The following SCGB2B2 variants were observed in gnomAD, a reference collection of about 807,000 sequenced individuals.
SCGB2B2 encodes secretoglobin family 2B member 2.
Under a neutral mutation model 7.6 loss-of-function variants are expected in SCGB2B2, and 11 were observed. The observed-to-expected ratio is 1.45, with a 90% confidence interval of 0.91 to 2.40. The LOEUF (loss-of-function observed/expected upper bound fraction) is 2.40. Among genes scored for constraint, SCGB2B2 ranks in the 30% most tolerant of loss-of-function variants. The pLI is 0.00. For missense variants in SCGB2B2, 104 were observed against 115.4 expected (o/e 0.90, Z 0.45); for synonymous variants, 50 against 48.6 (o/e 1.03, Z -0.12).
rs573880835 is a variant in SCGB2B2, at chr19:34,640,836, T to A, written c.-2032+34794A>T. The stretch of plus-strand genomic sequence containing the variant: ...GCTAATGACATAAACTGATACCTCT[T>A]TATTATTATTTTTTTCCAGATGTGA... On this transcript the variant is annotated intron_variant, in intron 1 of 3. Coordinates refer to ENST00000601241, the MANE Select transcript of SCGB2B2 (RefSeq NM_001025591.4). 305 of 152,238 alleles carry A rather than the reference T, an allele frequency of 2.0e-3. 3 individuals carry two copies. The highest frequency in any genetic ancestry group is 7.2e-3 in the African/African-American group (297 of 41,526). 9.4% of individuals were successfully genotyped at this position (152,238 alleles called of 1,614,324 possible).
intron 1 of SCGB2B2, among the ~76,000 whole-genome samples, chr19:34,648,393 G>C (rs941880860): frequency 6.6e-6 from 1 of 152,204 alleles, no homozygotes; most frequent in African/African-American, 2.4e-5. Flanking sequence ...AAAATGTCCT[G>C]AGAAATTTTG....
chr19:34,674,654 C>A, intron 1 of SCGB2B2, among the ~76,000 whole-genome samples: 1 of 152,130 alleles, frequency 6.6e-6, no homozygotes, highest in South Asian at 2.1e-4. Flanking sequence ...AGGGGTAACA[C>A]CTGCCTCATA....
chr19:34,632,702 G>A (rs2066567881), intron 1 of SCGB2B2: 1 of 152,208 alleles, frequency 6.6e-6, no homozygotes, highest in East Asian at 1.9e-4. Context: ...TTTGAAAAAG[G>A]TAAACATCCA....
intron 1 of SCGB2B2, among the ~76,000 whole-genome samples, chr19:34,606,118 A>T (rs365928): frequency 0.84 from 127,749 of 151,820 alleles, 54,528 homozygotes; most frequent in African/African-American, 0.91. Context: ...AAATTTTACC[A>T]ACTTTTTAAA....
At chr19:34,635,571 C>T (rs2066653260) in intron 1 of SCGB2B2, 4 of 236,538 alleles carry the variant, frequency 1.7e-5, no homozygotes, top group Middle Eastern at 4.7e-4. Context: ...AGAGTTATGA[C>T]TGAAGAATTT....
intron 1 of SCGB2B2, among the ~76,000 whole-genome samples, chr19:34,668,308 G>T (rs972988093): frequency 6.6e-6 from 1 of 152,198 alleles, no homozygotes; most frequent in African/African-American, 2.4e-5. Flanking sequence ...GGCCCTGCCT[G>T]CCCGGGCAGT....
At chr19:34,662,246 A>G (rs1432757274) in intron 1 of SCGB2B2, among the ~76,000 whole-genome samples, 1 of 152,156 alleles carries the variant, frequency 6.6e-6, no homozygotes, top group Non-Finnish European at 1.5e-5. Context: ...GTGGAAGCCA[A>G]AAGATTACAC....
chr19:34,638,485 AC>A lies in SCGB2B2; in HGVS notation c.-2032+37144del, dbSNP rs544260719. On this transcript the variant is annotated intron_variant, in intron 1 of 3. Coordinates refer to ENST00000601241, the MANE Select transcript of SCGB2B2 (RefSeq NM_001025591.4). ...GGAACACCCATCCCCCCCCAAAAAAACAAACAATGACAACAACAAAAACAAA... is the reference window on the plus strand; with the variant it reads ...GGAACACCCATCCCCCCCCAAAAAAAAAACAATGACAACAACAAAAACAAA... 1.8e-4 allele frequency among the ~76,000 whole-genome samples: 27 copies of A among 151,762 alleles called. 1 individual carries two copies. In the East Asian group the frequency reaches 3.5e-3, roughly 20 times the overall value.
chr19:34,667,082 C>T lies in SCGB2B2; in HGVS notation c.-2032+8548G>A, dbSNP rs1467694853. ...GTCATGCAGCAGGCCCGGCCACCAG[C>T]GCCTCCTCACAGCCCTTGACCTCCT... On this transcript the variant is annotated intron_variant, in intron 1 of 3. Coordinates refer to ENST00000601241, the MANE Select transcript of SCGB2B2 (RefSeq NM_001025591.4). 2.6e-5 allele frequency among the ~76,000 whole-genome samples: 4 copies of T among 152,096 alleles called. No homozygotes were observed. The South Asian group carries it at 6.2e-4, about 24-fold the overall frequency.
At chr19:34,590,347 C>A (rs527669265), downstream of SCGB2B2, among the ~76,000 whole-genome samples, 25 of 151,148 alleles carry the variant, frequency 1.7e-4, no homozygotes, top group African/African-American at 5.8e-4. Context: ...TCCATCCATG[C>A]ACTCATCATC....
chr19:34,606,923 C>T (rs1441291757), intron 1 of SCGB2B2, among the ~76,000 whole-genome samples: 1 of 152,154 alleles, frequency 6.6e-6, no homozygotes, highest in Non-Finnish European at 1.5e-5. Context: ...AAGGCGGACT[C>T]CTCTCTACAA....
At chr19:34,599,823 C>T (rs2065571594) in intron 1 of SCGB2B2, among the ~76,000 whole-genome samples, 1 of 152,110 alleles carries the variant, frequency 6.6e-6, no homozygotes, top group Non-Finnish European at 1.5e-5. Context: ...TCTTCACTTC[C>T]CATTTCTCCC....
chr19:34,612,698 A>G (rs185501053), intron 1 of SCGB2B2, among the ~76,000 whole-genome samples: 320 of 152,288 alleles, frequency 2.1e-3, no homozygotes, highest in African/African-American at 7.4e-3. Context: ...CATAAATCCA[A>G]CGTTTCTTTG....
At chr19:34,601,137 G>A (rs550031867) in intron 1 of SCGB2B2, among the ~76,000 whole-genome samples, 2 of 152,256 alleles carry the variant, frequency 1.3e-5, no homozygotes, top group East Asian at 3.9e-4. Context: ...TACCATTTAG[G>A]AGAAGATAAT....
Position 34,669,854 on chromosome 19 carries a change from C to T in SCGB2B2, c.-2032+5776G>A, listed in dbSNP as rs1422607727. ...ACATTTCCCGGGGCACACCATGCCA[C>T]ACAGGGCCACATGGAGAGCACCAGT... is the stretch of plus-strand genomic sequence containing the variant. On this transcript the variant is annotated intron_variant, in intron 1 of 3. Coordinates refer to ENST00000601241, the MANE Select transcript of SCGB2B2 (RefSeq NM_001025591.4). 5.3e-5 allele frequency among the ~76,000 whole-genome samples: 8 copies of T among 152,330 alleles called. No homozygotes were observed. In the East Asian group the frequency reaches 7.7e-4, roughly 15 times the overall value.
At chr19:34,624,489 C>T (rs2066316681) in intron 1 of SCGB2B2, among the ~76,000 whole-genome samples, 1 of 152,296 alleles carries the variant, frequency 6.6e-6, no homozygotes, top group Admixed American at 6.5e-5. Flanking sequence ...GTTACTAAGG[C>T]ACTTGCTAAC....
chr19:34,621,190 A>G (rs967864634), intron 1 of SCGB2B2, among the ~76,000 whole-genome samples: 1 of 152,190 alleles, frequency 6.6e-6, no homozygotes, highest in Non-Finnish European at 1.5e-5. Flanking sequence ...TTACACACAT[A>G]ACATATATAT....
Position 34,594,232 on chromosome 19 carries a change from G to C in SCGB2B2, c.189C>G (p.Val63=). The change falls in exon 3 of 4, where the codon GTC becomes GTG. Residue 63 remains valine (V), a synonymous_variant. Coordinates refer to ENST00000601241, the MANE Select transcript of SCGB2B2 (RefSeq NM_001025591.4). ...CGGAGACATTGGCAAAGCATTGCTG[G>C]ACATTGAGGAAGGACTCCTCTGTCA... ...SPLTEESFLN[V]QQCFANVSVT... 1 of 1,614,152 alleles carries C rather than the reference G, an allele frequency of 6.2e-7. No individual in the cohort carries two copies. The highest frequency in any genetic ancestry group is 8.5e-7 in the Non-Finnish European group (1 of 1,180,006).
rs1202940701 is a variant in SCGB2B2, at chr19:34,614,637, G to GTTAT, written c.-2031-18047_-2031-18044dup. On this transcript the variant is annotated intron_variant, in intron 1 of 3. Coordinates refer to ENST00000601241, the MANE Select transcript of SCGB2B2 (RefSeq NM_001025591.4). ...TTTCATTGATGTCTTTTACCAGCAA[G>GTTAT]TTATTATGTTCTTTTGGTAATGTCA... Among the ~76,000 whole-genome samples, 6 of 152,214 alleles carry GTTAT rather than the reference G, an allele frequency of 3.9e-5. No individual in the cohort carries two copies. In the East Asian group the frequency reaches 1.2e-3, roughly 29 times the overall value.
Sources: gnomAD v4.1 joint callset for allele counts (sites outside exome capture counted in the v4.1 genomes callset) on GRCh38, gnomAD v4.1.1 for gene constraint, MANE v1.5 for transcripts, NCBI Gene and HGNC (gene_info 2026-07-23, HGNC 2026-07-21) for gene names.